The following GNG2 variants were observed in gnomAD, a reference collection of about 807,000 sequenced individuals.
GNG2 encodes guanine nucleotide-binding protein G(I)/G(S)/G(O) subunit gamma-2.
In GNG2, 5 loss-of-function variants were observed where a neutral mutation model predicts 5.5. That is an observed-to-expected ratio of 0.91 (90% CI 0.48 to 1.92). GNG2 has a LOEUF of 1.92. Among genes scored for constraint, GNG2 ranks in the 30% most tolerant of loss-of-function variants. GNG2 has a pLI of 0.01. For missense variants in GNG2, 55 were observed against 88.4 expected, an observed-to-expected ratio of 0.62 and a Z score of 1.52; for synonymous variants, 28 against 32.0, an observed-to-expected ratio of 0.88 and a Z score of 0.42.
intron 2 of GNG2, among the ~76,000 whole-genome samples, chr14:51,854,524 T>G (rs1441331029): frequency 2.0e-5 from 3 of 152,046 alleles, no homozygotes; most frequent in Non-Finnish European, 4.4e-5. Flanking sequence ...TTATTTTTAT[T>G]TTTTAGGTAG....
intron 2 of GNG2, among the ~76,000 whole-genome samples, chr14:51,949,148 G>T (rs1344154051): frequency 6.6e-6 from 1 of 151,088 alleles, no homozygotes; most frequent in East Asian, 1.9e-4. Flanking sequence ...AAAAGAAATT[G>T]AGGGAACAAT....
intron 3 of GNG2, chr14:51,952,072 T>C: frequency 1.7e-6 from 1 of 601,718 alleles, no homozygotes; most frequent in Non-Finnish European, 2.9e-6. Flanking sequence ...TTCCGATGTA[T>C]AGCCAAGGTT....
At chr14:51,838,501 G>T (rs921854983) in intron 2 of GNG2, among the ~76,000 whole-genome samples, 2 of 152,026 alleles carry the variant, frequency 1.3e-5, no homozygotes, top group African/African-American at 4.8e-5. Context: ...AAATCAAGGA[G>T]ATCAAGAAAT....
At chr14:51,855,916 T>TAATC (rs1203125326), upstream of GNG2, among the ~76,000 whole-genome samples, 4 of 152,186 alleles carry the variant, frequency 2.6e-5, no homozygotes, top group Non-Finnish European at 5.9e-5. Context: ...AACTAGGCTG[T>TAATC]AATCCCAGCA....
chr14:51,891,218 G>A (rs188042543), intron 2 of GNG2, among the ~76,000 whole-genome samples: 29 of 152,274 alleles, frequency 1.9e-4, no homozygotes, highest in African/African-American at 7.0e-4. Context: ...TAATAAATCT[G>A]TGTCCTACTT....
intron 2 of GNG2, chr14:51,918,484 A>T (rs1871826643): frequency 6.6e-6 from 1 of 152,232 alleles, no homozygotes; most frequent in African/African-American, 2.4e-5. Flanking sequence ...TTACACAAAG[A>T]TATTTTCTAA....
chr14:51,957,611 T>C lies in GNG2; in HGVS notation c.87+6846T>C, dbSNP rs117417372. Among the ~76,000 whole-genome samples, 34 of 152,296 alleles carry C rather than the reference T, an allele frequency of 2.2e-4. No homozygotes were observed. In the East Asian group the frequency reaches 6.2e-3, roughly 28 times the overall value. ...ATTCTTCTACATACTCATAATACAATCATCAGAATCAGGAAATTAACACTG... is the reference window on the plus strand; with the variant it reads ...ATTCTTCTACATACTCATAATACAACCATCAGAATCAGGAAATTAACACTG... On this transcript the variant is annotated intron_variant, in intron 3 of 3. Coordinates refer to ENST00000556766, the MANE Select transcript of GNG2 (RefSeq NM_053064.5).
Position 51,968,376 on chromosome 14 carries a change from AG to A in GNG2, c.*1690del. ...TCTCCTGTTTTTTTTTTAAAAAAAA[AG>A]CATGAAAAAGGAAGAGAAAAAGTTT... is the stretch of plus-strand genomic sequence containing the variant. On this transcript the variant is annotated 3_prime_UTR_variant, in exon 4 of 4. Transcript: ENST00000556766. 6.6e-6 allele frequency: 1 copy of A among 151,536 alleles called. No homozygotes were observed. Among genetic ancestry groups the A allele is most frequent in the East Asian group, 1.9e-4 (1 of 5,134 alleles). 9.4% of individuals were successfully genotyped at this position (151,536 alleles called of 1,614,324 possible).
chr14:51,905,304 G>A (rs578029494), intron 2 of GNG2, among the ~76,000 whole-genome samples: 7 of 152,242 alleles, frequency 4.6e-5, no homozygotes, highest in African/African-American at 9.6e-5. Flanking sequence ...TTTGTTTTAC[G>A]TTTTTATTGT....
rs1555356824 is a variant in GNG2 at position 51,942,571 on chromosome 14, C to CTCTTTCTT, written c.-29-8065_-29-8058dup. Among the ~76,000 whole-genome samples the CTCTTTCTT allele has an allele frequency of 2.7e-4, 15 of 55,662 alleles. 1 individual carries two copies. The highest frequency in any genetic ancestry group is 7.6e-4 in the Admixed American group (4 of 5,238). The allele number at this position is 55,662 out of a possible 152,430, so 36.5% of individuals were successfully genotyped here. A position where few individuals can be genotyped will look rare whatever the true frequency, so the allele number is the denominator to read the frequency against. ...ATTATTAGAATTTTATTTATTTTTT[C>CTCTTTCTT]TCTTTCTTTCTTTCTTTCTTTTTTT... On this transcript the variant is annotated intron_variant, in intron 2 of 3. Coordinates refer to ENST00000556766, the MANE Select transcript of GNG2 (RefSeq NM_053064.5).
chr14:51,851,710 A>G (rs1881916205), intron 2 of GNG2, among the ~76,000 whole-genome samples: 1 of 152,206 alleles, frequency 6.6e-6, no homozygotes, highest in Non-Finnish European at 1.5e-5. Flanking sequence ...TAATAAATAG[A>G]TTAAGCAAAT....
intron 1 of GNG2, among the ~76,000 whole-genome samples, chr14:51,826,700 A>G (rs1881038667): frequency 6.6e-6 from 1 of 152,220 alleles, no homozygotes; most frequent in Non-Finnish European, 1.5e-5. Flanking sequence ...TGGATGGAGT[A>G]AAATATAGAA....
intron 2 of GNG2, among the ~76,000 whole-genome samples, chr14:51,942,586 TTTCTTTTTTTTTTTTTTTTTAGAGACAGG>T (rs2140268299): frequency 1.4e-5 from 1 of 70,020 alleles, no homozygotes; most frequent in South Asian, 4.6e-4. Flanking sequence ...TCTTTCTTTC[TTTCTTTTTTTTTTTTTTTTTAGAGACAGG>T]GACTCACTGT....
At chr14:51,826,329 A>T (rs1261799303) in intron 1 of GNG2, 1 of 151,468 alleles carries the variant, frequency 6.6e-6, no homozygotes, top group African/African-American at 2.4e-5. Context: ...AATTTTGAAA[A>T]GAAAATATAA....
intron 2 of GNG2, among the ~76,000 whole-genome samples, chr14:51,904,463 G>T (rs1175656148): frequency 1.3e-5 from 2 of 152,134 alleles, no homozygotes; most frequent in African/African-American, 4.8e-5. Context: ...TACAGAGAGG[G>T]ATTCACTTGG....
At chr14:51,881,244 CA>C (rs1884046323) in intron 2 of GNG2, among the ~76,000 whole-genome samples, 3 of 152,272 alleles carry the variant, frequency 2.0e-5, no homozygotes, top group Admixed American at 2.0e-4. Flanking sequence ...TTTCATAGAG[CA>C]AAATCGAACT....
intron 2 of GNG2, among the ~76,000 whole-genome samples, chr14:51,930,325 C>T (rs1248813581): frequency 3.3e-5 from 5 of 152,240 alleles, no homozygotes; most frequent in Non-Finnish European, 7.3e-5. Context: ...TCCATACTCA[C>T]TATCAAAGCA....
intron 1 of GNG2, among the ~76,000 whole-genome samples, chr14:51,864,310 C>A (rs1444085325): frequency 6.6e-6 from 1 of 152,084 alleles, no homozygotes; most frequent in Non-Finnish European, 1.5e-5. Context: ...ATTTGTATAT[C>A]TTCTTAGAAA....
At chr14:51,856,456 C>T (rs921675868), upstream of GNG2, among the ~76,000 whole-genome samples, 6 of 152,146 alleles carry the variant, frequency 3.9e-5, no homozygotes, top group African/African-American at 1.2e-4. Flanking sequence ...TTGTTCGAGA[C>T]GGAGTCTTGC....
Sources: gnomAD v4.1 joint callset for allele counts (sites outside exome capture counted in the v4.1 genomes callset) on GRCh38, gnomAD v4.1.1 for gene constraint, MANE v1.5 for transcripts, NCBI Gene and HGNC (gene_info 2026-07-23, HGNC 2026-07-21) for gene names.